The following RGS22 variants were observed in gnomAD, a reference collection of about 807,000 sequenced individuals.
The protein encoded by RGS22 is regulator of G-protein signaling 22.
Under a neutral mutation model 172.9 loss-of-function variants are expected in RGS22, and 148 were observed. That is an observed-to-expected ratio of 0.86 (90% CI 0.75 to 0.98). The LOEUF is 0.98. Ranked by LOEUF, RGS22 falls within the 50% of genes least tolerant of loss-of-function variation. The pLI, the probability that RGS22 is intolerant of heterozygous loss-of-function variation, is 0.00. For synonymous variants in RGS22, 458 were observed against 480.2 expected (o/e 0.95, Z 0.60); for missense variants, 1,347 against 1,440.8 (o/e 0.93, Z 1.05).
intron 2 of RGS22, among the ~76,000 whole-genome samples, chr8:100,103,539 C>T (rs762302624): frequency 5.3e-5 from 8 of 152,210 alleles, no homozygotes; most frequent in East Asian, 1.9e-4. Flanking sequence ...ACTGTTGACA[C>T]GGACATTCAG....
chr8:100,080,894 A>G (rs1203812790), intron 3 of RGS22: 1 of 152,614 alleles, frequency 6.6e-6, no homozygotes, highest in Non-Finnish European at 1.5e-5. Context: ...TGAGGTTTTT[A>G]TCAGTAATTC....
chr8:100,060,676 A>G (rs757058751), intron 9 of RGS22, among the ~76,000 whole-genome samples: 18 of 152,016 alleles, frequency 1.2e-4, no homozygotes, highest in Non-Finnish European at 2.2e-4. Context: ...AGGTGACACA[A>G]ACAAATGGAA....
intron 3 of RGS22, among the ~76,000 whole-genome samples, chr8:100,089,728 C>A (rs1334987743): frequency 6.6e-6 from 1 of 152,108 alleles, no homozygotes; most frequent in Non-Finnish European, 1.5e-5. Flanking sequence ...GACTACATTT[C>A]TATTAATGAC....
chr8:100,047,585 G>A lies in RGS22; in HGVS notation c.1701C>T (p.Phe567=), dbSNP rs779688438. The A allele has an allele frequency of 1.1e-5, 18 of 1,607,524 alleles. No individual in the cohort carries two copies. The highest frequency in any genetic ancestry group is 3.4e-5 in the South Asian group (3 of 89,296). ...PQIPEIQKEE[F]SLSQPPKSPN... The stretch of plus-strand genomic sequence containing the variant: ...GAGATTTAGGAGGTTGTGATAAGCT[G>A]AATTCTTCTTTCTAAAAGATGGTAA... Residue 567 remains phenylalanine, a synonymous_variant, in exon 11 of 28, where the codon TTC becomes TTT. Coordinates refer to ENST00000360863, the MANE Select transcript of RGS22 (RefSeq NM_015668.5).
chr8:99,995,629 G>A (rs1221504293), intron 20 of RGS22, among the ~76,000 whole-genome samples: 3 of 152,232 alleles, frequency 2.0e-5, no homozygotes, highest in Non-Finnish European at 4.4e-5. Context: ...TGGAGAGGAT[G>A]TGGAGAAAAA....
rs541281290 is a variant in RGS22, at chr8:99,975,611, A to C, written c.3519+2306T>G. ...TTAAAATAATTAGATGACCAAAAAA[A>C]AAAAAGAAATTTGGGTCACTTTCAA... On this transcript the variant is annotated intron_variant, in intron 23 of 27. Transcript: ENST00000360863. Among the ~76,000 whole-genome samples, 23 of 152,242 alleles carry C rather than the reference A, an allele frequency of 1.5e-4. No individual in the cohort carries two copies. In the East Asian group the frequency reaches 3.7e-3, roughly 24 times the overall value.
chr8:100,086,122 T>C (rs1425558843), intron 3 of RGS22, among the ~76,000 whole-genome samples: 1 of 151,950 alleles, frequency 6.6e-6, no homozygotes. Flanking sequence ...ACAAAAGTAA[T>C]AGCCAATGCA....
intron 20 of RGS22, among the ~76,000 whole-genome samples, chr8:99,992,045 C>T (rs1813788935): frequency 6.6e-6 from 1 of 152,098 alleles, no homozygotes; most frequent in South Asian, 2.1e-4. Flanking sequence ...GAAATAAAAT[C>T]CTTTACAGAC....
At position 100,030,490 on chromosome 8, in the gene RGS22, G is replaced by T. The variant is rs189199002; in HGVS notation, c.2166+8441C>A. On this transcript the variant is annotated intron_variant, in intron 14 of 27. Coordinates refer to ENST00000360863, the MANE Select transcript of RGS22 (RefSeq NM_015668.5). Reference sequence around the variant, plus strand: ...AGATGACAGCTCCATGCATGTTACTGCCCCTGAAAACCTTCCAGTGGTAAA... The same window carrying T: ...AGATGACAGCTCCATGCATGTTACTTCCCCTGAAAACCTTCCAGTGGTAAA... 7.2e-5 allele frequency among the ~76,000 whole-genome samples: 11 copies of T among 152,206 alleles called. No homozygotes were observed. The East Asian group carries it at 1.9e-3, about 27-fold the overall frequency.
At chr8:100,045,902 A>G (rs955225153) in intron 11 of RGS22, among the ~76,000 whole-genome samples, 1 of 151,828 alleles carries the variant, frequency 6.6e-6, no homozygotes, top group Non-Finnish European at 1.5e-5. Flanking sequence ...ATCCACTATA[A>G]CATTGTTTGT....
At chr8:100,079,756 T>C (rs544164031) in intron 4 of RGS22, among the ~76,000 whole-genome samples, 200 of 152,196 alleles carry the variant, frequency 1.3e-3, no homozygotes, top group Middle Eastern at 3.4e-3. Flanking sequence ...ACAATGCAAC[T>C]TGAGGGTCAG....
chr8:100,058,128 C>A (rs1222497999), intron 9 of RGS22, among the ~76,000 whole-genome samples: 1 of 147,106 alleles, frequency 6.8e-6, no homozygotes, highest in Non-Finnish European at 1.5e-5. Context: ...AAGAAAGAAT[C>A]AGTGAGCTTG....
intron 3 of RGS22, among the ~76,000 whole-genome samples, chr8:100,081,273 C>A (rs1811732209): frequency 6.6e-6 from 1 of 150,880 alleles, no homozygotes; most frequent in Admixed American, 6.6e-5. Flanking sequence ...TAAGGGATTG[C>A]TAGATATACT....
At chr8:100,029,849 A>G (rs969427952) in intron 14 of RGS22, among the ~76,000 whole-genome samples, 17 of 152,188 alleles carry the variant, frequency 1.1e-4, no homozygotes, top group African/African-American at 4.1e-4. Context: ...GAAAAAGACC[A>G]AAAATCCCCA....
At chr8:99,995,882 C>T (rs1268915821) in intron 20 of RGS22, among the ~76,000 whole-genome samples, 1 of 151,990 alleles carries the variant, frequency 6.6e-6, no homozygotes, top group Non-Finnish European at 1.5e-5. Flanking sequence ...AAATGATAGA[C>T]TGGATTAAGA....
chr8:100,047,868 G>A (rs964659403), intron 10 of RGS22, among the ~76,000 whole-genome samples: 1 of 152,050 alleles, frequency 6.6e-6, no homozygotes. Context: ...ACTCTTTCCT[G>A]GAGAAAGAAC....
chr8:100,047,570 A>C lies in RGS22; in HGVS notation c.1716T>G (p.Pro572=). The C allele has an allele frequency of 1.2e-6, 2 of 1,610,274 alleles. No homozygotes were observed. ...CAGGTGATTTATTGGGAGATTTAGG[A>C]GGTTGTGATAAGCTGAATTCTTCTT... ...IQKEEFSLSQ[P]PKSPNKSPEV... is the part of the protein sequence containing the mutation. Residue 572 remains proline, a synonymous_variant, in exon 11 of 28, where the codon CCT becomes CCG. Coordinates refer to ENST00000360863, the MANE Select transcript of RGS22 (RefSeq NM_015668.5).
At chr8:100,005,225 T>TA (rs970574175) in intron 16 of RGS22, among the ~76,000 whole-genome samples, 14 of 151,592 alleles carry the variant, frequency 9.2e-5, no homozygotes, top group East Asian at 3.8e-4. Context: ...GAAGAAAGTT[T>TA]AAAAAAAAAT....
chr8:100,042,346 G>C (rs552515653), intron 11 of RGS22, among the ~76,000 whole-genome samples: 2 of 152,150 alleles, frequency 1.3e-5, no homozygotes, highest in Non-Finnish European at 2.9e-5. Context: ...AATGAAGGTA[G>C]GTATGGAAAT....
Sources: gnomAD v4.1 joint callset for allele counts (sites outside exome capture counted in the v4.1 genomes callset) on GRCh38, gnomAD v4.1.1 for gene constraint, MANE v1.5 for transcripts, NCBI Gene and HGNC (gene_info 2026-07-23, HGNC 2026-07-21) for gene names.